The following PRKCA variants were observed in gnomAD, a reference collection of about 807,000 sequenced individuals.
PRKCA encodes protein kinase C alpha type.
PRKCA carries 27 observed loss-of-function variants against 87.0 expected under a neutral mutation model. The ratio of observed to expected loss-of-function variants is 0.31; its 90% CI spans 0.23 to 0.43. The LOEUF (loss-of-function observed/expected upper bound fraction) is 0.43. Ranked by LOEUF, PRKCA falls within the 20% of genes least tolerant of loss-of-function variation. The pLI, the probability that PRKCA is intolerant of heterozygous loss-of-function variation, is 1.00. For synonymous variants in PRKCA, 329 were observed against 311.1 expected (o/e 1.06, Z -0.61); for missense variants, 518 against 852.3 (o/e 0.61, Z 4.88).
intron 3 of PRKCA, among the ~76,000 whole-genome samples, chr17:66,595,463 C>CT (rs374376124): frequency 0.1 from 12,069 of 116,468 alleles, 1,064 homozygotes; most frequent in South Asian, 0.15. Context: ...TCTTTTCCTT[C>CT]TTTTTTTTTT....
chr17:66,800,825 C>G (rs1295959329), intron 16 of PRKCA, among the ~76,000 whole-genome samples: 1 of 152,216 alleles, frequency 6.6e-6, no homozygotes, highest in Non-Finnish European at 1.5e-5. Context: ...GAACATTTTA[C>G]TTTGCTTTGC....
chr17:66,493,730 TACA>T (rs1291166644), intron 2 of PRKCA, among the ~76,000 whole-genome samples: 1 of 152,110 alleles, frequency 6.6e-6, no homozygotes, highest in Non-Finnish European at 1.5e-5. Flanking sequence ...AGGGACCCAG[TACA>T]ACAACAGCAA....
intron 5 of PRKCA, among the ~76,000 whole-genome samples, chr17:66,659,878 C>T (rs1403002560): frequency 6.6e-6 from 1 of 152,200 alleles, no homozygotes; most frequent in Non-Finnish European, 1.5e-5. Context: ...GAGAATTGAG[C>T]AGCTCGTGCT....
At position 66,478,529 on chromosome 17, in the gene PRKCA, C is replaced by T. The variant is rs139687742; in HGVS notation, c.206-17672C>T. Among the ~76,000 whole-genome samples the T allele has an allele frequency of 2.8e-3, 424 of 152,214 alleles. 5 individuals carry two copies. Among genetic ancestry groups the T allele is most frequent in the African/African-American group, 9.7e-3 (402 of 41,536 alleles). ...TTGGCCTTCTGAAGTGTTGGGATTA[C>T]AGGCATGGACCACCGCGCCCAGCCC... On this transcript the variant is annotated intron_variant, in intron 2 of 16. Coordinates refer to ENST00000413366, the MANE Select transcript of PRKCA (RefSeq NM_002737.3).
intron 2 of PRKCA, among the ~76,000 whole-genome samples, chr17:66,484,626 A>G (rs1422296193): frequency 1.3e-5 from 2 of 152,210 alleles, no homozygotes; most frequent in African/African-American, 4.8e-5. Context: ...GTAAAATCCA[A>G]TCTAACTAAT....
Position 66,735,630 on chromosome 17 carries a change from T to C in PRKCA, c.1198T>C (p.Leu400=). Residue 400 remains leucine, a synonymous_variant, in exon 10 of 17, where the codon TTG becomes CTG. Transcript: ENST00000413366. The part of the protein sequence containing the change: ...VLALLDKPPF[L]TQLHSCFQTV... ...GGCCCTGCTTGACAAACCCCCGTTC[T>C]TGACGCAGCTGCACTCCTGCTTCCA... The C allele has an allele frequency of 6.2e-7, 1 of 1,614,150 alleles. No homozygotes were observed. Among genetic ancestry groups the C allele is most frequent in the Non-Finnish European group, 8.5e-7 (1 of 1,180,024 alleles).
intron 2 of PRKCA, among the ~76,000 whole-genome samples, chr17:66,421,878 C>T (rs1408897532): frequency 6.6e-6 from 1 of 151,778 alleles, no homozygotes; most frequent in Non-Finnish European, 1.5e-5. Context: ...TCCTTTTTAC[C>T]CACTGTTTAG....
intron 2 of PRKCA, among the ~76,000 whole-genome samples, chr17:66,481,038 TTGG>T (rs1403053946): frequency 6.6e-6 from 1 of 152,170 alleles, no homozygotes; most frequent in Admixed American, 6.5e-5. Flanking sequence ...GCTGCCTGTC[TTGG>T]TGGGGAGAAG....
intron 2 of PRKCA, among the ~76,000 whole-genome samples, chr17:66,420,765 T>G (rs758010652): frequency 6.6e-6 from 1 of 152,188 alleles, no homozygotes; most frequent in African/African-American, 2.4e-5. Context: ...TTGGAGGATT[T>G]TGACTGGCGA....
intron 8 of PRKCA, among the ~76,000 whole-genome samples, chr17:66,706,416 G>C (rs1022701851): frequency 2.6e-5 from 4 of 151,514 alleles, no homozygotes; most frequent in Admixed American, 2.6e-4. Context: ...CAGGCAGATC[G>C]CAAGGTCAGG....
chr17:66,521,718 A>G (rs1463364289), intron 3 of PRKCA, among the ~76,000 whole-genome samples: 1 of 152,224 alleles, frequency 6.6e-6, no homozygotes, highest in South Asian at 2.1e-4. Context: ...TTTCAAGAAA[A>G]AGAAGACCAG....
chr17:66,651,081 C>T (rs1670805781), intron 5 of PRKCA, among the ~76,000 whole-genome samples: 1 of 152,022 alleles, frequency 6.6e-6, no homozygotes, highest in Non-Finnish European at 1.5e-5. Context: ...CAGCAGGTGA[C>T]AGCTTCACAT....
intron 2 of PRKCA, among the ~76,000 whole-genome samples, chr17:66,375,390 A>T (rs1278435002): frequency 1.3e-5 from 2 of 152,194 alleles, no homozygotes; most frequent in Non-Finnish European, 2.9e-5. Context: ...CTGAAGCCAG[A>T]TACCTACATG....
chr17:66,463,268 G>A lies in PRKCA; in HGVS notation c.206-32933G>A, dbSNP rs767650466. Among the ~76,000 whole-genome samples the A allele has an allele frequency of 6.0e-4, 91 of 152,226 alleles. No homozygotes were observed. The Middle Eastern group carries it at 0.01, about 17-fold the overall frequency. ...GTAAGAAAAGATCTAGTGACTAGCT[G>A]AGTCACTTGAACTATGTGAGTTAAG... On this transcript the variant is annotated intron_variant, in intron 2 of 16. Transcript: ENST00000413366.
At position 66,587,891 on chromosome 17, in the gene PRKCA, GTGTGTATATATATATATATATATATATA is replaced by G. The variant is rs1261559524; in HGVS notation, c.289-53462_289-53435del. Among the ~76,000 whole-genome samples the G allele has an allele frequency of 1.8e-4, 16 of 87,138 alleles. 2 individuals are homozygous for G. Among genetic ancestry groups the G allele is most frequent in the Non-Finnish European group, 3.3e-4 (15 of 45,756 alleles). 57.2% of individuals were successfully genotyped at this position (87,138 alleles called of 152,430 possible). ...TGTATGTGTGTGTGTGTGTGTGTGTGTGTGTATATATATATATATATATATATATATATATATATATCCTGCAGTAGCT... is the reference window on the plus strand; with the variant it reads ...TGTATGTGTGTGTGTGTGTGTGTGTGTATATATATATATCCTGCAGTAGCT... On this transcript the variant is annotated intron_variant, in intron 3 of 16. Transcript: ENST00000413366.
At chr17:66,429,440 A>G (rs930146318) in intron 2 of PRKCA, among the ~76,000 whole-genome samples, 1 of 152,224 alleles carries the variant, frequency 6.6e-6, no homozygotes, top group Non-Finnish European at 1.5e-5. Context: ...AGTCTGTACC[A>G]TTACAGCTCT....
At chr17:66,730,952 C>G (rs1973870759) in intron 8 of PRKCA, among the ~76,000 whole-genome samples, 1 of 152,196 alleles carries the variant, frequency 6.6e-6, no homozygotes, top group Non-Finnish European at 1.5e-5. Context: ...CCTTCCTTAT[C>G]TCCTTCACCA....
intron 14 of PRKCA, among the ~76,000 whole-genome samples, chr17:66,783,312 G>T (rs3889237): frequency 0.55 from 83,311 of 152,066 alleles, 26,204 homozygotes; most frequent in African/African-American, 0.87. Context: ...CTCAGGGCCT[G>T]TACAATTTAA....
At chr17:66,584,915 C>T (rs1326793158) in intron 3 of PRKCA, among the ~76,000 whole-genome samples, 1 of 152,108 alleles carries the variant, frequency 6.6e-6, no homozygotes, top group Non-Finnish European at 1.5e-5. Flanking sequence ...TTCATTGCCT[C>T]ATGCCAAGGA....
Sources: allele counts gnomAD v4.1 joint callset (sites outside exome capture counted in the v4.1 genomes callset), GRCh38; gene constraint gnomAD v4.1.1; transcripts MANE v1.5; gene names NCBI Gene and HGNC (gene_info 2026-07-23, HGNC 2026-07-21).